GALNTL6: variants seen among roughly 807,000 people sequenced by gnomAD.
The protein encoded by GALNTL6 is polypeptide N-acetylgalactosaminyltransferase-like 6.
GALNTL6 carries 46 observed loss-of-function variants against 73.7 expected under a neutral mutation model. The ratio of observed to expected loss-of-function variants is 0.62; its 90% CI spans 0.49 to 0.80. The LOEUF (loss-of-function observed/expected upper bound fraction) is 0.80. GALNTL6 is among the 30% of genes least tolerant of loss of function. The pLI, the probability that GALNTL6 is intolerant of heterozygous loss-of-function variation, is 0.00. For synonymous variants in GALNTL6, 259 were observed against 263.7 expected, an observed-to-expected ratio of 0.98 and a Z score of 0.17; for missense variants, 604 against 755.0, an observed-to-expected ratio of 0.80 and a Z score of 2.34.
At chr4:172,900,410 T>C (rs774847300) in intron 8 of GALNTL6, among the ~76,000 whole-genome samples, 5 of 152,168 alleles carry the variant, frequency 3.3e-5, no homozygotes, top group Non-Finnish European at 7.3e-5. Flanking sequence ...AACACCATTC[T>C]TAAGTTCACT....
chr4:172,825,714 A>C (rs1174638176), intron 7 of GALNTL6, among the ~76,000 whole-genome samples: 1 of 152,160 alleles, frequency 6.6e-6, no homozygotes, highest in Non-Finnish European at 1.5e-5. Context: ...AGCCACAAAA[A>C]AAAAGAAAGC....
chr4:172,350,689 A>G (rs183983153), intron 5 of GALNTL6, among the ~76,000 whole-genome samples: 82 of 152,294 alleles, frequency 5.4e-4, no homozygotes, highest in Non-Finnish European at 9.6e-4. Flanking sequence ...GAAATAGGTG[A>G]TAAAATGCTT....
intron 5 of GALNTL6, among the ~76,000 whole-genome samples, chr4:172,527,831 G>A (rs141419259): frequency 2.7e-3 from 412 of 152,078 alleles, no homozygotes; most frequent in African/African-American, 9.3e-3. Context: ...ATATATTTTT[G>A]TTATGTTCCA....
intron 2 of GALNTL6, among the ~76,000 whole-genome samples, chr4:171,872,099 T>C (rs1736153660): frequency 6.6e-6 from 1 of 152,198 alleles, no homozygotes; most frequent in Non-Finnish European, 1.5e-5. Context: ...TATACTTTGC[T>C]AAATATATTT....
intron 5 of GALNTL6, among the ~76,000 whole-genome samples, chr4:172,771,336 C>CT (rs1305792859): frequency 6.6e-6 from 1 of 152,176 alleles, no homozygotes; most frequent in Non-Finnish European, 1.5e-5. Context: ...AGAAAGGCCA[C>CT]TGGGACAAGA....
intron 2 of GALNTL6, among the ~76,000 whole-genome samples, chr4:172,059,331 A>T (rs898969327): frequency 2.0e-5 from 3 of 152,170 alleles, no homozygotes; most frequent in African/African-American, 7.2e-5. Context: ...CAGATTTTCA[A>T]TTCCATTGTC....
chr4:173,013,675 A>G (rs1234336426), intron 11 of GALNTL6, among the ~76,000 whole-genome samples: 1 of 151,940 alleles, frequency 6.6e-6, no homozygotes, highest in South Asian at 2.1e-4. Context: ...TAGGCAGAAC[A>G]GAAAGACCAG....
At chr4:172,416,767 G>T (rs908508057) in intron 5 of GALNTL6, among the ~76,000 whole-genome samples, 2 of 152,122 alleles carry the variant, frequency 1.3e-5, no homozygotes, top group Non-Finnish European at 2.9e-5. Context: ...TTATAGTCAT[G>T]TAAATGTGGT....
chr4:172,274,373 C>T (rs571568889), intron 3 of GALNTL6, among the ~76,000 whole-genome samples: 90 of 152,224 alleles, frequency 5.9e-4, no homozygotes, highest in African/African-American at 2.1e-3. Context: ...TTACCTCTAT[C>T]TGGTATCTTT....
intron 4 of GALNTL6, among the ~76,000 whole-genome samples, chr4:172,334,161 A>G (rs1008573924): frequency 5.9e-5 from 9 of 152,022 alleles, no homozygotes; most frequent in African/African-American, 1.7e-4. Flanking sequence ...TAGCCTTGTA[A>G]TATATTTTGA....
At chr4:172,087,151 C>T (rs938232341) in intron 2 of GALNTL6, among the ~76,000 whole-genome samples, 1 of 152,044 alleles carries the variant, frequency 6.6e-6, no homozygotes, top group Admixed American at 6.6e-5. Context: ...ACTCATACAA[C>T]ATAGAGCACT....
At position 172,043,012 on chromosome 4, in the gene GALNTL6, G is replaced by T. The variant is rs188431110; in HGVS notation, c.139-186644G>T. On this transcript the variant is annotated intron_variant, in intron 2 of 12. Transcript: ENST00000506823. ...TTTGGCACCTTTCCAGACTGATAATGAGTCACCGTCTTTGTTGGTCATTAC... is the reference window on the plus strand; with the variant it reads ...TTTGGCACCTTTCCAGACTGATAATTAGTCACCGTCTTTGTTGGTCATTAC... Among the ~76,000 whole-genome samples, 215 of 151,652 alleles carry T rather than the reference G, an allele frequency of 1.4e-3. 1 individual carries two copies. Among genetic ancestry groups the T allele is most frequent in the African/African-American group, 5.0e-3 (207 of 41,358 alleles).
intron 5 of GALNTL6, among the ~76,000 whole-genome samples, chr4:172,742,415 C>T (rs1471456540): frequency 6.6e-6 from 1 of 151,478 alleles, no homozygotes; most frequent in Non-Finnish European, 1.5e-5. Flanking sequence ...AAGTACCTCT[C>T]TTCTTTGCCT....
chr4:172,064,881 T>C (rs1439296452), intron 2 of GALNTL6, among the ~76,000 whole-genome samples: 3 of 152,214 alleles, frequency 2.0e-5, no homozygotes, highest in African/African-American at 7.2e-5. Context: ...TAATCACTAT[T>C]TTTCAATATA....
chr4:172,286,587 G>C (rs1216099290), intron 3 of GALNTL6, among the ~76,000 whole-genome samples: 1 of 152,180 alleles, frequency 6.6e-6, no homozygotes, highest in East Asian at 1.9e-4. Flanking sequence ...TAATGATTTT[G>C]GAGAAATGTC....
chr4:172,274,704 T>C (rs1215085393), intron 3 of GALNTL6, among the ~76,000 whole-genome samples: 2 of 152,206 alleles, frequency 1.3e-5, no homozygotes, highest in Admixed American at 1.3e-4. Context: ...TCATGGACTT[T>C]TGTTTACTGT....
chr4:172,206,156 G>A (rs776544280), intron 2 of GALNTL6, among the ~76,000 whole-genome samples: 1 of 152,040 alleles, frequency 6.6e-6, no homozygotes, highest in Non-Finnish European at 1.5e-5. Flanking sequence ...AACATCCTCC[G>A]CTCTTCCAGC....
chr4:172,700,841 A>G (rs1208191973), intron 5 of GALNTL6, among the ~76,000 whole-genome samples: 1 of 152,146 alleles, frequency 6.6e-6, no homozygotes, highest in Non-Finnish European at 1.5e-5. Flanking sequence ...GAGATATTAT[A>G]TAGGCTTCTC....
intron 2 of GALNTL6, among the ~76,000 whole-genome samples, chr4:172,161,488 A>G (rs897740213): frequency 7.9e-5 from 12 of 152,178 alleles, no homozygotes; most frequent in African/African-American, 2.9e-4. Flanking sequence ...GTGAATACTC[A>G]TTGGCAGTAC....
Sources: gnomAD v4.1 joint callset for allele counts (sites outside exome capture counted in the v4.1 genomes callset) on GRCh38, gnomAD v4.1.1 for gene constraint, MANE v1.5 for transcripts, NCBI Gene and HGNC (gene_info 2026-07-23, HGNC 2026-07-21) for gene names.